Variants in NEK11 observed in about 807,000 individuals in gnomAD.
NEK11 encodes NIMA related kinase 11.
In NEK11, 72 loss-of-function variants were observed where a neutral mutation model predicts 80.7. That is an observed-to-expected ratio of 0.89 (90% CI 0.74 to 1.08). NEK11 has a LOEUF of 1.08. NEK11 is among the 50% of genes least tolerant of loss of function. The pLI is 0.00. For missense variants in NEK11, 764 were observed against 763.6 expected (o/e 1.00, Z -0.01); for synonymous variants, 251 against 260.7 (o/e 0.96, Z 0.36).
At chr3:131,294,133 T>G (rs914230274) in intron 17 of NEK11, among the ~76,000 whole-genome samples, 8 of 152,100 alleles carry the variant, frequency 5.3e-5, no homozygotes, top group Non-Finnish European at 8.8e-5. Context: ...ATTTGCTTTT[T>G]CTTTTTCTAA....
At chr3:131,077,905 G>A (rs1277056594) in intron 3 of NEK11, among the ~76,000 whole-genome samples, 1 of 152,176 alleles carries the variant, frequency 6.6e-6, no homozygotes, top group Admixed American at 6.5e-5. Flanking sequence ...GTGTTACCAA[G>A]CAGGCATTTC....
At chr3:131,079,135 A>C (rs1275418089) in intron 3 of NEK11, among the ~76,000 whole-genome samples, 1 of 152,138 alleles carries the variant, frequency 6.6e-6, no homozygotes, top group Non-Finnish European at 1.5e-5. Flanking sequence ...TCTTCATTTA[A>C]GTTATATTGA....
At chr3:131,030,158 A>G (rs1469956591) in intron 3 of NEK11, among the ~76,000 whole-genome samples, 1 of 152,074 alleles carries the variant, frequency 6.6e-6, no homozygotes, top group Admixed American at 6.5e-5. Context: ...AGAATTGCTT[A>G]AACCCAGGAG....
chr3:131,211,558 AGTGTTT>A (rs1287635062), intron 14 of NEK11, among the ~76,000 whole-genome samples: 8 of 152,154 alleles, frequency 5.3e-5, no homozygotes, highest in African/African-American at 1.9e-4. Context: ...TATCCTGCAG[AGTGTTT>A]TCCAACTTGG....
At chr3:131,054,114 G>A (rs145601605) in intron 3 of NEK11, among the ~76,000 whole-genome samples, 3 of 152,326 alleles carry the variant, frequency 2.0e-5, no homozygotes, top group African/African-American at 7.2e-5. Context: ...ACTTTGGGAG[G>A]CCAAGGCTGG....
chr3:131,193,351 G>A (rs1022328), intron 14 of NEK11, among the ~76,000 whole-genome samples: 13,866 of 152,114 alleles, frequency 0.091, 1,148 homozygotes, highest in East Asian at 0.43. Context: ...TATTGGTATT[G>A]TTAGAGTTTG....
intron 4 of NEK11, among the ~76,000 whole-genome samples, chr3:131,093,194 A>C (rs1270876220): frequency 6.6e-6 from 1 of 152,222 alleles, no homozygotes; most frequent in Non-Finnish European, 1.5e-5. Context: ...GGTAATATTT[A>C]TCCAAGGGTC....
At chr3:131,199,086 C>T (rs921365122) in intron 14 of NEK11, among the ~76,000 whole-genome samples, 1 of 151,952 alleles carries the variant, frequency 6.6e-6, no homozygotes, top group African/African-American at 2.4e-5. Flanking sequence ...ACCTTGTAGC[C>T]ACAGGTAACG....
chr3:131,203,763 GTGTGTATATATATATA>G (rs2094342272), intron 14 of NEK11, among the ~76,000 whole-genome samples: 3 of 35,526 alleles, frequency 8.4e-5, no homozygotes, highest in African/African-American at 2.3e-4. Context: ...GTGTGTGTGT[GTGTGTATATATATATA>G]TATATATATA....
intron 17 of NEK11, among the ~76,000 whole-genome samples, chr3:131,338,904 T>C (rs1377688492): frequency 1.3e-5 from 2 of 152,202 alleles, no homozygotes; most frequent in Non-Finnish European, 2.9e-5. Flanking sequence ...TGTATCTCAG[T>C]TGAGGTGTGA....
At chr3:131,173,968 T>G (rs1373202645) in intron 14 of NEK11, among the ~76,000 whole-genome samples, 5 of 152,134 alleles carry the variant, frequency 3.3e-5, no homozygotes, top group African/African-American at 9.7e-5. Context: ...TACATAATAG[T>G]TTTAGGTGGA....
At chr3:131,131,385 G>A (rs2084447870) in intron 5 of NEK11, among the ~76,000 whole-genome samples, 1 of 152,064 alleles carries the variant, frequency 6.6e-6, no homozygotes, top group South Asian at 2.1e-4. Flanking sequence ...ACTAATTATT[G>A]ATTGAATGTA....
intron 17 of NEK11, among the ~76,000 whole-genome samples, chr3:131,303,287 A>G (rs1394740427): frequency 6.6e-6 from 1 of 152,170 alleles, no homozygotes; most frequent in African/African-American, 2.4e-5. Context: ...ATCCAACTCG[A>G]CACAGTGCCT....
intron 17 of NEK11, chr3:131,327,563 G>A (rs923563925): frequency 6.6e-6 from 1 of 151,978 alleles, no homozygotes. Context: ...CAAGCTAAGA[G>A]GGTAGATCAT....
chr3:131,075,620 A>G (rs892526102), intron 3 of NEK11, among the ~76,000 whole-genome samples: 13 of 152,240 alleles, frequency 8.5e-5, no homozygotes, highest in African/African-American at 2.7e-4. Flanking sequence ...TTCTATCTAC[A>G]TGTAAATGGA....
intron 16 of NEK11, among the ~76,000 whole-genome samples, chr3:131,266,174 G>A (rs1160740949): frequency 1.3e-5 from 2 of 152,004 alleles, no homozygotes; most frequent in African/African-American, 2.4e-5. Flanking sequence ...TGGATTCATT[G>A]ATTTTTTGAA....
chr3:131,186,323 T>C (rs889509662), intron 14 of NEK11, among the ~76,000 whole-genome samples: 3 of 152,192 alleles, frequency 2.0e-5, no homozygotes, highest in East Asian at 1.9e-4. Flanking sequence ...TATCAAATGA[T>C]GGTCTTAATG....
At chr3:131,302,743 T>C (rs149435405) in intron 17 of NEK11, among the ~76,000 whole-genome samples, 14 of 152,304 alleles carry the variant, frequency 9.2e-5, no homozygotes, top group African/African-American at 3.4e-4. Flanking sequence ...TTTTTTCAGT[T>C]TGCTGAGAAT....
At chr3:131,294,994 A>T (rs550261934) in intron 17 of NEK11, among the ~76,000 whole-genome samples, 1 of 152,146 alleles carries the variant, frequency 6.6e-6, no homozygotes, top group South Asian at 2.1e-4. Context: ...CGTAATTAAC[A>T]TGTAGTTGGA....
Sources: gnomAD v4.1 joint callset for allele counts (sites outside exome capture counted in the v4.1 genomes callset) on GRCh38, gnomAD v4.1.1 for gene constraint, MANE v1.5 for transcripts, NCBI Gene and HGNC (gene_info 2026-07-23, HGNC 2026-07-21) for gene names.